Variants in PHKB observed in about 807,000 individuals in gnomAD.
PHKB encodes phosphorylase kinase regulatory subunit beta.
A neutral mutation model predicts 152.1 loss-of-function variants in PHKB; 122 were observed. The ratio of observed to expected loss-of-function variants is 0.80; its 90% CI spans 0.69 to 0.93. PHKB has a LOEUF of 0.93. Ranked by LOEUF, PHKB falls within the 40% of genes least tolerant of loss-of-function variation. PHKB has a pLI of 0.00. For missense variants in PHKB, 1,304 were observed against 1,328.4 expected, an observed-to-expected ratio of 0.98 and a Z score of 0.29; for synonymous variants, 436 against 464.9, an observed-to-expected ratio of 0.94 and a Z score of 0.80.
intron 14 of PHKB, 48 bp downstream of exon 14, chr16:47,610,968 A>G (rs1972417294): frequency 8.5e-7 from 1 of 1,175,548 alleles, no homozygotes; most frequent in African/African-American, 1.5e-5. Context: ...AGAGACATTT[A>G]AGCTTAATTG....
chr16:47,519,939 TTTTTGTGTACATG>T (rs1455951480), intron 6 of PHKB, among the ~76,000 whole-genome samples: 1 of 152,152 alleles, frequency 6.6e-6, no homozygotes, highest in African/African-American at 2.4e-5. Flanking sequence ...TGTGTACATG[TTTTTGTGTACATG>T]TTTTGTGTAC....
intron 7 of PHKB, among the ~76,000 whole-genome samples, chr16:47,559,573 G>A (rs1293945181): frequency 6.6e-6 from 1 of 152,158 alleles, no homozygotes; most frequent in East Asian, 1.9e-4. Flanking sequence ...AGGTATCTGA[G>A]TGTTGACTAA....
intron 26 of PHKB, among the ~76,000 whole-genome samples, chr16:47,688,385 T>C (rs941032249): frequency 6.6e-6 from 1 of 152,226 alleles, no homozygotes; most frequent in African/African-American, 2.4e-5. Flanking sequence ...AAATGCTTTT[T>C]AAAACCTCCT....
chr16:47,665,810 G>A, intron 25 of PHKB: 4 of 733,676 alleles, frequency 5.5e-6, no homozygotes, highest in South Asian at 3.0e-5. Flanking sequence ...CAATGTCCTG[G>A]GCAGTGTTTC....
intron 26 of PHKB, 98 bp downstream of exon 26, chr16:47,669,515 T>A: frequency 9.3e-7 from 1 of 1,080,864 alleles, no homozygotes; most frequent in Non-Finnish European, 1.4e-6. Context: ...TGGTGTCTGG[T>A]GAGTATTCAG....
At chr16:47,642,654 A>G (rs1288568062) in intron 16 of PHKB, among the ~76,000 whole-genome samples, 1 of 152,196 alleles carries the variant, frequency 6.6e-6, no homozygotes, top group African/African-American at 2.4e-5. Context: ...GAAGAGAGGT[A>G]CATGTTACAT....
At chr16:47,578,774 C>A (rs1971791898) in intron 7 of PHKB, among the ~76,000 whole-genome samples, 1 of 152,082 alleles carries the variant, frequency 6.6e-6, no homozygotes, top group Non-Finnish European at 1.5e-5. Context: ...AGCATTGTGC[C>A]TCATGATAGA....
At chr16:47,682,346 C>T (rs1376346488) in intron 26 of PHKB, among the ~76,000 whole-genome samples, 1 of 152,134 alleles carries the variant, frequency 6.6e-6, no homozygotes, top group Non-Finnish European at 1.5e-5. Context: ...TGGATCATAT[C>T]CCTCAGAGTG....
chr16:47,640,907 G>A (rs1422840610), intron 14 of PHKB, 128 bp from the exon 15 acceptor site: 1 of 844,888 alleles, frequency 1.2e-6, no homozygotes, highest in Admixed American at 1.8e-5. Flanking sequence ...TGGCCGCTGA[G>A]AGCCAGCTGG....
At chr16:47,552,532 AGGCCGTGGT>A (rs1971290509) in intron 7 of PHKB, among the ~76,000 whole-genome samples, 1 of 152,126 alleles carries the variant, frequency 6.6e-6, no homozygotes, top group Non-Finnish European at 1.5e-5. Context: ...AAGAATGTTG[AGGCCGTGGT>A]GGCTCACACC....
chr16:47,484,845 A>G (rs1461024938), intron 1 of PHKB, among the ~76,000 whole-genome samples: 1 of 152,248 alleles, frequency 6.6e-6, no homozygotes, highest in Non-Finnish European at 1.5e-5. Context: ...AAATTGCACA[A>G]GTAGTAAATG....
chr16:47,586,252 T>C (rs73551214), intron 8 of PHKB, among the ~76,000 whole-genome samples: 18,231 of 152,246 alleles, frequency 0.12, 2,398 homozygotes, highest in African/African-American at 0.33. Flanking sequence ...TGGGTCAGCT[T>C]CTTGAGAGCA....
chr16:47,554,747 A>G (rs1971338592), intron 7 of PHKB, among the ~76,000 whole-genome samples: 1 of 152,110 alleles, frequency 6.6e-6, no homozygotes, highest in African/African-American at 2.4e-5. Flanking sequence ...ATAGTCCCTC[A>G]CCGCTTCCTT....
At chr16:47,476,323 T>C (rs553550575) in intron 1 of PHKB, among the ~76,000 whole-genome samples, 23 of 152,142 alleles carry the variant, frequency 1.5e-4, no homozygotes, top group African/African-American at 5.6e-4. Context: ...TTTTGTGGAA[T>C]CTTTTTATAT....
chr16:47,549,250 A>G (rs147575278), intron 7 of PHKB, among the ~76,000 whole-genome samples: 53 of 152,358 alleles, frequency 3.5e-4, no homozygotes, highest in Middle Eastern at 3.4e-3. Flanking sequence ...TTGATCTGAT[A>G]AGATGATTTT....
At chr16:47,658,100 G>A (rs2151735479) in intron 20 of PHKB, among the ~76,000 whole-genome samples, 1 of 152,242 alleles carries the variant, frequency 6.6e-6, no homozygotes, top group Middle Eastern at 3.4e-3. Context: ...TGGTCTATGT[G>A]CTCTCCATGA....
chr16:47,657,019 A>G (rs1973350563), intron 20 of PHKB, among the ~76,000 whole-genome samples: 1 of 152,104 alleles, frequency 6.6e-6, no homozygotes, highest in East Asian at 1.9e-4. Context: ...TTAATTTTAC[A>G]GCTTAGGTGA....
At chr16:47,655,967 A>T (rs1312572422) in intron 20 of PHKB, among the ~76,000 whole-genome samples, 1 of 152,020 alleles carries the variant, frequency 6.6e-6, no homozygotes, top group Non-Finnish European at 1.5e-5. Flanking sequence ...TGTTTCAGAA[A>T]TTATAGGAGA....
intron 1 of PHKB, among the ~76,000 whole-genome samples, chr16:47,476,007 A>G (rs1329242397): frequency 6.6e-6 from 1 of 152,160 alleles, no homozygotes; most frequent in East Asian, 1.9e-4. Flanking sequence ...AACTGGGACT[A>G]CAGGCATGTG....
Sources: gnomAD v4.1 joint callset for allele counts (sites outside exome capture counted in the v4.1 genomes callset) on GRCh38, gnomAD v4.1.1 for gene constraint, MANE v1.5 for transcripts, NCBI Gene and HGNC (gene_info 2026-07-23, HGNC 2026-07-21) for gene names.